E2F3: variants seen among roughly 807,000 people sequenced by gnomAD.
The protein encoded by E2F3 is E2F transcription factor 3.
Under a neutral mutation model 44.4 loss-of-function variants are expected in E2F3, and 11 were observed. The observed-to-expected ratio is 0.25, with a 90% CI of 0.16 to 0.41. The LOEUF is 0.41. Ranked by LOEUF, E2F3 falls within the 10% of genes least tolerant of loss-of-function variation. The pLI is 1.00. For missense variants in E2F3, 487 were observed against 583.6 expected (o/e 0.83, Z 1.70); for synonymous variants, 249 against 253.0 (o/e 0.98, Z 0.15).
chr6:20,459,206 A>G (rs1761414931), intron 1 of E2F3, among the ~76,000 whole-genome samples: 2 of 152,224 alleles, frequency 1.3e-5, no homozygotes, highest in African/African-American at 4.8e-5. Flanking sequence ...CCAGAGGCAG[A>G]GGTTGCAGTG....
chr6:20,452,991 T>TTTG (rs1761182606), intron 1 of E2F3, among the ~76,000 whole-genome samples: 2 of 151,048 alleles, frequency 1.3e-5, no homozygotes, highest in African/African-American at 4.9e-5. Context: ...GTTTCTTTCT[T>TTTG]TTTGTTTGTT....
intron 1 of E2F3, among the ~76,000 whole-genome samples, chr6:20,413,369 C>G (rs568875880): frequency 2.0e-5 from 3 of 152,200 alleles, no homozygotes; most frequent in African/African-American, 7.2e-5. Context: ...CTAGATTGTC[C>G]AGGTGAAGGC....
chr6:20,480,732 C>T (rs934072961), intron 2 of E2F3, among the ~76,000 whole-genome samples: 11 of 152,140 alleles, frequency 7.2e-5, no homozygotes, highest in African/African-American at 2.4e-4. Flanking sequence ...AGGTGATACA[C>T]GCACACACAG....
In E2F3 at chr6:20,441,441, T is replaced by G. The variant is rs151318683; in HGVS notation, c.394-38405T>G. 2.6e-4 allele frequency among the ~76,000 whole-genome samples: 39 copies of G among 152,360 alleles called. No homozygotes were observed. In the East Asian group the frequency reaches 3.1e-3, roughly 12 times the overall value. On this transcript the variant is annotated intron_variant, in intron 1 of 6. Coordinates refer to ENST00000346618, the MANE Select transcript of E2F3 (RefSeq NM_001949.5). Reference sequence around the variant, plus strand: ...ATTTGAGTTGTTTTCTTCTCTTGGCTATCGTGAATAATGATGCAATGAACA... The same window carrying G: ...ATTTGAGTTGTTTTCTTCTCTTGGCGATCGTGAATAATGATGCAATGAACA...
At chr6:20,474,393 G>T (rs1457279915) in intron 1 of E2F3, among the ~76,000 whole-genome samples, 6 of 152,188 alleles carry the variant, frequency 3.9e-5, no homozygotes, top group Non-Finnish European at 7.3e-5. Context: ...CTGCCGGAAG[G>T]TGCCACATGG....
intron 1 of E2F3, among the ~76,000 whole-genome samples, chr6:20,443,627 C>T (rs1760844324): frequency 6.6e-6 from 1 of 151,830 alleles, no homozygotes; most frequent in Non-Finnish European, 1.5e-5. Context: ...CTTAGTTACT[C>T]GGGAGAGCGA....
At chr6:20,432,238 A>T (rs927711105) in intron 1 of E2F3, among the ~76,000 whole-genome samples, 2 of 151,722 alleles carry the variant, frequency 1.3e-5, no homozygotes, top group African/African-American at 4.8e-5. Context: ...TTTTCAAAAA[A>T]CTCTTCCATC....
intron 1 of E2F3, chr6:20,403,776 G>A: frequency 2.7e-6 from 4 of 1,493,860 alleles, no homozygotes; most frequent in Admixed American, 2.2e-5. Flanking sequence ...CTCTCCAGCC[G>A]GCCCCCCACC....
At chr6:20,415,835 C>T (rs1303393916) in intron 1 of E2F3, among the ~76,000 whole-genome samples, 1 of 152,140 alleles carries the variant, frequency 6.6e-6, no homozygotes, top group Non-Finnish European at 1.5e-5. Context: ...TAATTGGCTG[C>T]TGGAAGCCTC....
At chr6:20,406,862 A>G (rs1322423257) in intron 1 of E2F3, among the ~76,000 whole-genome samples, 1 of 152,142 alleles carries the variant, frequency 6.6e-6, no homozygotes, top group Non-Finnish European at 1.5e-5. Flanking sequence ...AAATGTAAGA[A>G]CTCCAGAGAA....
intron 1 of E2F3, among the ~76,000 whole-genome samples, chr6:20,460,093 T>C (rs1761448580): frequency 6.6e-6 from 1 of 152,238 alleles, no homozygotes; most frequent in African/African-American, 2.4e-5. Context: ...TCTTTGTCAG[T>C]GTTCATAGAG....
chr6:20,411,305 A>G (rs1282189358), intron 1 of E2F3, among the ~76,000 whole-genome samples: 1 of 151,888 alleles, frequency 6.6e-6, no homozygotes, highest in Non-Finnish European at 1.5e-5. Flanking sequence ...CCAGACTCGG[A>G]GCCCCTGCCA....
intron 1 of E2F3, among the ~76,000 whole-genome samples, chr6:20,470,244 T>G (rs1293709326): frequency 6.6e-6 from 1 of 152,228 alleles, no homozygotes; most frequent in Non-Finnish European, 1.5e-5. Context: ...CTGGGCTCAC[T>G]GCAGTATTCA....
At chr6:20,456,599 T>C (rs1334892565) in intron 1 of E2F3, among the ~76,000 whole-genome samples, 1 of 152,190 alleles carries the variant, frequency 6.6e-6, no homozygotes, top group Non-Finnish European at 1.5e-5. Context: ...AAATAGATTT[T>C]GTTAAAAAAA....
chr6:20,417,136 A>G (rs1444978557), intron 1 of E2F3, among the ~76,000 whole-genome samples: 1 of 152,332 alleles, frequency 6.6e-6, no homozygotes, highest in African/African-American at 2.4e-5. Context: ...GCTGCAATCA[A>G]ATTGCCAACT....
chr6:20,482,666 C>A, intron 3 of E2F3, 96 bp from the exon 4 acceptor site: 1 of 1,191,496 alleles, frequency 8.4e-7, no homozygotes, highest in Non-Finnish European at 1.2e-6. Context: ...AGCAATGTGA[C>A]CTCCTATGTC....
intron 1 of E2F3, among the ~76,000 whole-genome samples, chr6:20,445,286 C>G (rs1341131572): frequency 6.6e-6 from 1 of 151,538 alleles, no homozygotes; most frequent in African/African-American, 2.4e-5. Flanking sequence ...GTCCCCCAGG[C>G]TGGAGTACAG....
chr6:20,428,470 G>A (rs1217950446), intron 1 of E2F3, among the ~76,000 whole-genome samples: 1 of 152,122 alleles, frequency 6.6e-6, no homozygotes, highest in African/African-American at 2.4e-5. Context: ...TGATCCACCT[G>A]CCTCGGCCTC....
At chr6:20,440,875 G>A (rs1338239228) in intron 1 of E2F3, among the ~76,000 whole-genome samples, 3 of 151,844 alleles carry the variant, frequency 2.0e-5, no homozygotes, top group Admixed American at 1.3e-4. Flanking sequence ...CAAGGAGAGG[G>A]AAAAGGGTCA....
Sources: allele counts gnomAD v4.1 joint callset (sites outside exome capture counted in the v4.1 genomes callset), GRCh38; gene constraint gnomAD v4.1.1; transcripts MANE v1.5; gene names NCBI Gene and HGNC (gene_info 2026-07-23, HGNC 2026-07-21).